Variants in RPS6KC1 observed in about 807,000 individuals in gnomAD.
RPS6KC1 encodes ribosomal protein S6 kinase C1, also known as inactive ribosomal protein S6 kinase delta-1.
Under a neutral mutation model 103.8 loss-of-function variants are expected in RPS6KC1, and 54 were observed. The ratio of observed to expected loss-of-function variants is 0.52; its 90% CI spans 0.42 to 0.65. RPS6KC1 has a LOEUF of 0.65. RPS6KC1 is among the 30% of genes least tolerant of loss of function. The pLI, the probability that RPS6KC1 is intolerant of heterozygous loss-of-function variation, is 0.00. For synonymous variants in RPS6KC1, 439 were observed against 438.7 expected (o/e 1.00, Z -0.01); for missense variants, 1,151 against 1,253.8 (o/e 0.92, Z 1.24).
chr1:213,261,706 T>C, intron 13 of RPS6KC1, 66 bp downstream of exon 13: 1 of 1,371,276 alleles, frequency 7.3e-7, no homozygotes, highest in East Asian at 2.3e-5. Flanking sequence ...ATTAAGAACA[T>C]TAGCCTTCAC....
At chr1:213,805,969 G>T in the RPS6KC1 span, among the ~76,000 whole-genome samples, 1 of 152,198 alleles carries the variant, frequency 6.6e-6, no homozygotes, top group Non-Finnish European at 1.5e-5. Flanking sequence ...CAGGTGCATT[G>T]TTAATAAGCA....
chr1:213,099,349 G>A (rs1415342593), intron 3 of RPS6KC1, among the ~76,000 whole-genome samples: 1 of 152,134 alleles, frequency 6.6e-6, no homozygotes, highest in African/African-American at 2.4e-5. Flanking sequence ...CAAGTTGAAA[G>A]ATGTGGACAG....
At chr1:213,372,675 A>G in the RPS6KC1 span, among the ~76,000 whole-genome samples, 1 of 152,226 alleles carries the variant, frequency 6.6e-6, no homozygotes, top group Non-Finnish European at 1.5e-5. Context: ...TTTAAAATTC[A>G]TGACAAGTTC....
At chr1:213,336,891 A>C in the RPS6KC1 span, among the ~76,000 whole-genome samples, 1 of 152,112 alleles carries the variant, frequency 6.6e-6, no homozygotes, top group African/African-American at 2.4e-5. Flanking sequence ...TCCCATTGTA[A>C]ACTAAGGAGT....
chr1:213,854,510 C>CTTTCTTTCTTTCTT, the RPS6KC1 span, among the ~76,000 whole-genome samples: 1 of 120,934 alleles, frequency 8.3e-6, no homozygotes, highest in Non-Finnish European at 1.7e-5. Context: ...CTCTTTCTTT[C>CTTTCTTTCTTTCTT]TCTTTCTTTC....
intron 6 of RPS6KC1, among the ~76,000 whole-genome samples, chr1:213,140,370 T>G (rs2086868263): frequency 6.6e-6 from 1 of 152,098 alleles, no homozygotes; most frequent in African/African-American, 2.4e-5. Flanking sequence ...CTTCCAGTAC[T>G]GTGTTGAATA....
At position 213,051,376 on chromosome 1, in the gene RPS6KC1, G is replaced by A. The variant is rs1390937409; in HGVS notation, c.-29G>A. On this transcript the variant is annotated 5_prime_UTR_variant, in exon 1 of 15. The change creates a new upstream start codon in the 5' untranslated region. Coordinates refer to ENST00000366960, the MANE Select transcript of RPS6KC1 (RefSeq NM_012424.6). The stretch of plus-strand genomic sequence containing the variant: ...GGGTTTCCCTCATGATCCCGGGCGG[G>A]TGGCGGCGGCGGCAGAGGCGGCGGG... 4.0e-6 allele frequency: 6 copies of A among 1,500,700 alleles called. No homozygotes were observed. The highest frequency in any genetic ancestry group is 5.5e-6 in the Non-Finnish European group (6 of 1,086,212). 93.0% of individuals were successfully genotyped at this position (1,500,700 alleles called of 1,614,324 possible).
the RPS6KC1 span, among the ~76,000 whole-genome samples, chr1:213,514,933 G>A: frequency 6.6e-6 from 1 of 152,096 alleles, no homozygotes; most frequent in Non-Finnish European, 1.5e-5. Context: ...AACTGGTGTG[G>A]GATGGTATCT....
At chr1:213,678,845 C>T in the RPS6KC1 span, among the ~76,000 whole-genome samples, 1 of 152,192 alleles carries the variant, frequency 6.6e-6, no homozygotes, top group Non-Finnish European at 1.5e-5. Context: ...TGAAAACTTG[C>T]TGGCTGTTCC....
chr1:213,070,994 G>A lies in RPS6KC1; in HGVS notation c.106-12G>A. The A allele has an allele frequency of 6.7e-7, 1 of 1,503,632 alleles. No individual in the cohort carries two copies. The highest frequency in any genetic ancestry group is 9.1e-7 in the Non-Finnish European group (1 of 1,099,554). 93.1% of individuals were successfully genotyped at this position (1,503,632 alleles called of 1,614,324 possible). ...ATAATGATTAGAGATTTCTATGTAT[G>A]TTTTGTTTTAGGTTGTTTCACGAAG... On this transcript the variant is annotated splice_polypyrimidine_tract_variant and intron_variant, in intron 1 of 14. Transcript: ENST00000366960.
the RPS6KC1 span, among the ~76,000 whole-genome samples, chr1:213,647,333 A>G: frequency 6.6e-6 from 1 of 152,202 alleles, no homozygotes; most frequent in African/African-American, 2.4e-5. Context: ...ATAGTGGCTC[A>G]CACCAACAGG....
intron 6 of RPS6KC1, among the ~76,000 whole-genome samples, chr1:213,148,761 T>C (rs2088206318): frequency 6.6e-6 from 1 of 152,156 alleles, no homozygotes; most frequent in African/African-American, 2.4e-5. Context: ...GTATCATTTC[T>C]TCCTTAAATT....
the RPS6KC1 span, among the ~76,000 whole-genome samples, chr1:213,320,391 G>C: frequency 6.6e-6 from 1 of 152,240 alleles, no homozygotes; most frequent in Non-Finnish European, 1.5e-5. Flanking sequence ...CTGCGGGCTT[G>C]TTATGGTTTT....
At chr1:213,411,341 A>C in the RPS6KC1 span, among the ~76,000 whole-genome samples, 6 of 152,150 alleles carry the variant, frequency 3.9e-5, no homozygotes, top group Non-Finnish European at 1.5e-5. Flanking sequence ...GTTGTTTCTG[A>C]GTTGCTGCAA....
intron 5 of RPS6KC1, among the ~76,000 whole-genome samples, chr1:213,128,922 G>C (rs376485585): frequency 6.6e-6 from 1 of 152,142 alleles, no homozygotes; most frequent in Non-Finnish European, 1.5e-5. Context: ...TGCTTTATAT[G>C]CATTAACTCT....
At chr1:213,820,167 T>G in the RPS6KC1 span, 2 of 152,234 alleles carry the variant, frequency 1.3e-5, no homozygotes, top group Admixed American at 6.5e-5. Context: ...AGCTTCCTCC[T>G]AGTTATCCTC....
chr1:213,440,540 C>T, the RPS6KC1 span, among the ~76,000 whole-genome samples: 1 of 147,130 alleles, frequency 6.8e-6, no homozygotes, highest in East Asian at 2.0e-4. Context: ...TGTTTTTGTG[C>T]TCATTCCAAT....
At chr1:213,591,006 C>T in the RPS6KC1 span, among the ~76,000 whole-genome samples, 2 of 152,320 alleles carry the variant, frequency 1.3e-5, no homozygotes, top group Admixed American at 6.5e-5. Context: ...GATGCTTCTC[C>T]TCTCCCCTGC....
At position 213,232,223 on chromosome 1, in the gene RPS6KC1, A is replaced by G; in HGVS notation, c.1193A>G (p.Glu398Gly). The G allele has an allele frequency of 6.2e-7, 1 of 1,613,948 alleles. No individual in the cohort carries two copies. The highest frequency in any genetic ancestry group is 8.5e-7 in the Non-Finnish European group (1 of 1,179,874). The change falls in exon 10 of 15, where the codon GAG becomes GGG. Residue 398 changes from glutamate to glycine, a missense_variant. By Grantham distance (98) the Glu-to-Gly change is moderately conservative (BLOSUM62 -2). Transcript: ENST00000366960. ...VCLHKYIISEESVFLVLQHAE... is the reference protein window; with the variant it reads ...VCLHKYIISEGSVFLVLQHAE... ...CTGCATAAGTACATCATCTCTGAGG[A>G]GTCAGTATTTCTTGTGCTGCAGCAT...
Sources: allele counts gnomAD v4.1 joint callset (sites outside exome capture counted in the v4.1 genomes callset), GRCh38; gene constraint gnomAD v4.1.1; transcripts MANE v1.5; gene names NCBI Gene and HGNC (gene_info 2026-07-23, HGNC 2026-07-21).